The following FGF12 variants were observed in gnomAD, a reference collection of about 807,000 sequenced individuals.
FGF12 encodes the protein fibroblast growth factor 12B.
FGF12 carries 14 observed loss-of-function variants against 23.6 expected under a neutral mutation model. That is an observed-to-expected ratio of 0.59 (90% CI 0.39 to 0.93). The LOEUF (loss-of-function observed/expected upper bound fraction) is 0.93. Among genes scored for constraint, FGF12 ranks in the 40% least tolerant of loss-of-function variants. The pLI, the probability that FGF12 is intolerant of heterozygous loss-of-function variation, is 0.00. For synonymous variants in FGF12, 62 were observed against 77.3 expected (o/e 0.80, Z 1.04); for missense variants, 175 against 217.8 (o/e 0.80, Z 1.24).
chr3:192,348,203 G>A (rs1379642501), intron 3 of FGF12, among the ~76,000 whole-genome samples: 1 of 152,116 alleles, frequency 6.6e-6, no homozygotes, highest in Non-Finnish European at 1.5e-5. Flanking sequence ...ATAATGCTGT[G>A]CATACATAGT....
At chr3:192,346,196 T>C (rs1717951221) in intron 3 of FGF12, among the ~76,000 whole-genome samples, 1 of 152,192 alleles carries the variant, frequency 6.6e-6, no homozygotes, top group Admixed American at 6.6e-5. Context: ...CTTTCATTGG[T>C]TCCCCATTTC....
chr3:192,397,918 T>C (rs761728863), intron 2 of FGF12, among the ~76,000 whole-genome samples: 2 of 150,930 alleles, frequency 1.3e-5, no homozygotes, highest in African/African-American at 2.5e-5. Context: ...CCCAAATTAA[T>C]ATACAACATT....
chr3:192,437,485 G>T (rs1285124590), intron 2 of FGF12, among the ~76,000 whole-genome samples: 1 of 152,102 alleles, frequency 6.6e-6, no homozygotes, highest in Non-Finnish European at 1.5e-5. Flanking sequence ...AAGGTCAGGA[G>T]TTCAAAACCA....
intron 2 of FGF12, among the ~76,000 whole-genome samples, chr3:192,361,859 G>C (rs1297597350): frequency 6.6e-6 from 1 of 152,168 alleles, no homozygotes; most frequent in Non-Finnish European, 1.5e-5. Flanking sequence ...TTTCAAAGCA[G>C]TCCTACAAAG....
In FGF12 at chr3:192,520,797, C is replaced by T. The variant is rs372041335; in HGVS notation, c.14-160259G>A. On this transcript the variant is annotated intron_variant, in intron 2 of 5. Coordinates refer to ENST00000445105, the MANE Select transcript of FGF12 (RefSeq NM_004113.6). ...TTTCCACTTATTTCCCATGCACTGC[C>T]TATAGGTAACTGGTTTCTTTAGTTT... Among the ~76,000 whole-genome samples, 5 of 152,116 alleles carry T rather than the reference C, an allele frequency of 3.3e-5. No individual in the cohort carries two copies. The East Asian group carries it at 5.8e-4, about 18-fold the overall frequency.
At chr3:192,620,575 G>C (rs1366929619) in intron 2 of FGF12, among the ~76,000 whole-genome samples, 4 of 152,170 alleles carry the variant, frequency 2.6e-5, no homozygotes, top group African/African-American at 4.8e-5. Flanking sequence ...GCAAGCTGCT[G>C]ATCAAGAGTC....
At chr3:192,577,231 A>G (rs1227106820) in intron 2 of FGF12, among the ~76,000 whole-genome samples, 1 of 152,120 alleles carries the variant, frequency 6.6e-6, no homozygotes, top group East Asian at 1.9e-4. Flanking sequence ...AATAATACTA[A>G]TGGTAGCCAT....
intron 4 of FGF12, among the ~76,000 whole-genome samples, chr3:192,206,641 C>T (rs1327844912): frequency 6.6e-6 from 1 of 151,990 alleles, no homozygotes; most frequent in Non-Finnish European, 1.5e-5. Context: ...GAAACAAAAC[C>T]CACTCATATT....
chr3:192,627,714 T>C (rs1202282758), intron 2 of FGF12, among the ~76,000 whole-genome samples: 1 of 152,184 alleles, frequency 6.6e-6, no homozygotes, highest in African/African-American at 2.4e-5. Flanking sequence ...TAAGAAATAA[T>C]GTAGAGAGAA....
At chr3:192,330,627 C>T (rs1717063424) in intron 4 of FGF12, among the ~76,000 whole-genome samples, 1 of 151,992 alleles carries the variant, frequency 6.6e-6, no homozygotes, top group African/African-American at 2.4e-5. Flanking sequence ...CGCTTGAACC[C>T]AGGAGGTGGA....
At chr3:192,317,552 T>C (rs1716294090) in intron 4 of FGF12, among the ~76,000 whole-genome samples, 1 of 151,822 alleles carries the variant, frequency 6.6e-6, no homozygotes, top group Non-Finnish European at 1.5e-5. Context: ...GCTTGGGTGC[T>C]AGCTCAACCA....
chr3:192,635,776 C>T (rs1715557014), intron 2 of FGF12, among the ~76,000 whole-genome samples: 1 of 152,044 alleles, frequency 6.6e-6, no homozygotes, highest in African/African-American at 2.4e-5. Flanking sequence ...TATGTTAGTG[C>T]TATAGAGGTG....
At chr3:192,222,224 GTT>G (rs1718510886) in intron 4 of FGF12, among the ~76,000 whole-genome samples, 1 of 152,074 alleles carries the variant, frequency 6.6e-6, no homozygotes, top group African/African-American at 2.4e-5. Context: ...TGAAAGCCAG[GTT>G]TCTTATTCTC....
intron 3 of FGF12, among the ~76,000 whole-genome samples, chr3:192,344,633 G>A (rs1459808030): frequency 6.6e-6 from 1 of 152,166 alleles, no homozygotes; most frequent in Non-Finnish European, 1.5e-5. Context: ...AGCATTGGCT[G>A]ACAGCATACA....
At chr3:192,559,507 A>C (rs1216112829) in intron 2 of FGF12, among the ~76,000 whole-genome samples, 1 of 151,988 alleles carries the variant, frequency 6.6e-6, no homozygotes, top group Non-Finnish European at 1.5e-5. Context: ...GTTATTATAC[A>C]TTTTTCAAAC....
At chr3:192,525,213 A>G (rs147747112) in intron 2 of FGF12, among the ~76,000 whole-genome samples, 231 of 152,302 alleles carry the variant, frequency 1.5e-3, no homozygotes, top group African/African-American at 5.3e-3. Context: ...TCTGCTGACA[A>G]GATACCTACA....
chr3:192,146,270 ATATT>A (rs1713701177), intron 5 of FGF12, among the ~76,000 whole-genome samples: 1 of 92,164 alleles, frequency 1.1e-5, no homozygotes. Flanking sequence ...ATTAAAGTGT[ATATT>A]TTTTTTTTTT....
intron 2 of FGF12, among the ~76,000 whole-genome samples, chr3:192,659,010 A>G (rs954373992): frequency 1.3e-5 from 2 of 152,320 alleles, no homozygotes; most frequent in African/African-American, 2.4e-5. Context: ...CTGCTTCCCT[A>G]TGTGCCTTGA....
intron 2 of FGF12, among the ~76,000 whole-genome samples, chr3:192,501,182 C>G (rs1326943716): frequency 1.3e-5 from 2 of 151,940 alleles, no homozygotes; most frequent in African/African-American, 4.8e-5. Context: ...GGGACACACA[C>G]CAAAATCATT....
Sources: gnomAD v4.1 joint callset for allele counts (sites outside exome capture counted in the v4.1 genomes callset) on GRCh38, gnomAD v4.1.1 for gene constraint, MANE v1.5 for transcripts, NCBI Gene and HGNC (gene_info 2026-07-23, HGNC 2026-07-21) for gene names.